PLEKHA7: variants seen among roughly 807,000 people sequenced by gnomAD.
PLEKHA7 encodes the protein pleckstrin homology domain containing A7.
Under a neutral mutation model 170.0 loss-of-function variants are expected in PLEKHA7, and 104 were observed. The observed-to-expected ratio is 0.61, with a 90% CI of 0.52 to 0.72. PLEKHA7 has a LOEUF of 0.72. Ranked by LOEUF, PLEKHA7 falls within the 30% of genes least tolerant of loss-of-function variation. PLEKHA7 has a pLI of 0.00. For missense variants in PLEKHA7, 1,615 were observed against 1,671.7 expected (o/e 0.97, Z 0.59); for synonymous variants, 648 against 660.8 (o/e 0.98, Z 0.30).
chr11:16,850,389 C>A (rs1852831102), intron 8 of PLEKHA7, among the ~76,000 whole-genome samples: 1 of 152,208 alleles, frequency 6.6e-6, no homozygotes, highest in Non-Finnish European at 1.5e-5. Flanking sequence ...TGCTTCAGTG[C>A]TCTCTAGGAC....
chr11:16,920,571 C>T lies in PLEKHA7; in HGVS notation c.222-49389G>A, dbSNP rs544624317. Among the ~76,000 whole-genome samples, 5 of 152,296 alleles carry T rather than the reference C, an allele frequency of 3.3e-5. No homozygotes were observed. In the South Asian group the frequency reaches 1.0e-3, roughly 32 times the overall value. ...TATTCTAAATTTCCCACAAAGTGTA[C>T]ATAATAGGAAAAATTATTTAAATTA... On this transcript the variant is annotated intron_variant, in intron 3 of 26. Transcript: ENST00000531066.
chr11:16,815,515 C>T (rs1420784412), intron 12 of PLEKHA7, among the ~76,000 whole-genome samples: 1 of 152,174 alleles, frequency 6.6e-6, no homozygotes, highest in African/African-American at 2.4e-5. Flanking sequence ...CAACCTCACC[C>T]AGACTCAAGC....
intron 9 of PLEKHA7, among the ~76,000 whole-genome samples, chr11:16,837,207 T>C (rs924358405): frequency 3.9e-5 from 6 of 152,122 alleles, no homozygotes; most frequent in Admixed American, 2.0e-4. Context: ...ATAATAAGAA[T>C]ACATCTCAAT....
chr11:16,884,700 A>C (rs957486692), intron 3 of PLEKHA7, among the ~76,000 whole-genome samples: 18 of 152,176 alleles, frequency 1.2e-4, no homozygotes, highest in African/African-American at 2.9e-4. Flanking sequence ...ACAAAAAAAA[A>C]CAAAAACTGT....
At chr11:16,896,834 C>G (rs1565087139) in intron 3 of PLEKHA7, among the ~76,000 whole-genome samples, 1 of 152,200 alleles carries the variant, frequency 6.6e-6, no homozygotes. Flanking sequence ...ACACACTGTT[C>G]CCTTTTCTTG....
Position 16,778,453 on chromosome 11 carries a change from C to T in PLEKHA7, c.*545G>A, listed in dbSNP as rs575684942. On this transcript the variant is annotated 3_prime_UTR_variant, in exon 27 of 27. Transcript: ENST00000531066. The stretch of plus-strand genomic sequence containing the variant: ...GATCCTCGTGGAGTTTCACACAGAG[C>T]TGGTCATCAGGTCAGGGACAGCTGA... 3.9e-4 allele frequency: 63 copies of T among 161,426 alleles called. No homozygotes were observed. Among genetic ancestry groups the T allele is most frequent in the Admixed American group, 7.6e-4 (13 of 17,166 alleles). 10.0% of individuals were successfully genotyped at this position (161,426 alleles called of 1,614,324 possible).
chr11:16,807,579 T>G lies in PLEKHA7; in HGVS notation c.2008-4284A>C, dbSNP rs112191869. On this transcript the variant is annotated intron_variant, in intron 13 of 26. Transcript: ENST00000531066. ...AAGGAGGAACATGATAGAAGGGAAC[T>G]TGCTTCTTCTTTTGTCCTCCCTCAT... is the stretch of plus-strand genomic sequence containing the variant. Among the ~76,000 whole-genome samples, 821 of 152,282 alleles carry G rather than the reference T, an allele frequency of 5.4e-3. 3 individuals are homozygous for G. The highest frequency in any genetic ancestry group is 0.018 in the African/African-American group (729 of 41,566).
At chr11:16,892,432 G>GTTTTGTTTTGTTTTGTTT (rs763934828) in intron 3 of PLEKHA7, among the ~76,000 whole-genome samples, 21,035 of 114,790 alleles carry the variant, frequency 0.18, 2,298 homozygotes, top group East Asian at 0.34. Flanking sequence ...GTGTGTGTGT[G>GTTTTGTTTTGTTTTGTTT]TGTTTTGTTT....
rs558712207 is a variant in PLEKHA7 at position 16,976,635 on chromosome 11, G to C, written c.221+37354C>G. ...CTATCTAAAATCCCCAGCCCTCTAG[G>C]CAAGATCTGTCCCAGACCCTCCTCT... On this transcript the variant is annotated intron_variant, in intron 3 of 26. Transcript: ENST00000531066. 1.9e-3 allele frequency among the ~76,000 whole-genome samples: 293 copies of C among 152,266 alleles called. 2 individuals are homozygous for C. Among genetic ancestry groups the C allele is most frequent in the African/African-American group, 6.6e-3 (276 of 41,542 alleles).
chr11:16,899,850 G>A (rs1857219083), intron 3 of PLEKHA7, among the ~76,000 whole-genome samples: 1 of 152,210 alleles, frequency 6.6e-6, no homozygotes, highest in African/African-American at 2.4e-5. Flanking sequence ...GTAAGGGCAT[G>A]AACTGAACTT....
At chr11:16,886,907 G>A (rs776316278) in intron 3 of PLEKHA7, among the ~76,000 whole-genome samples, 6 of 152,120 alleles carry the variant, frequency 3.9e-5, no homozygotes, top group Admixed American at 3.9e-4. Context: ...GATTAGGGGC[G>A]TTAAGGGTGT....
intron 3 of PLEKHA7, among the ~76,000 whole-genome samples, chr11:16,953,490 A>C (rs1200530777): frequency 6.6e-6 from 1 of 152,216 alleles, no homozygotes; most frequent in Non-Finnish European, 1.5e-5. Context: ...AAGATTAAAT[A>C]AGCTAAACCA....
chr11:16,898,593 A>C lies in PLEKHA7; in HGVS notation c.222-27411T>G, dbSNP rs1857139162. ...CAAGTTAGCACTCTGCCCAGTCCAT[A>C]GTGAGCTACTAATAATAGCAGCAAG... is the stretch of plus-strand genomic sequence containing the variant. On this transcript the variant is annotated intron_variant, in intron 3 of 26. Coordinates refer to ENST00000531066, the MANE Select transcript of PLEKHA7 (RefSeq NM_001329630.2). Among the ~76,000 whole-genome samples the C allele has an allele frequency of 2.0e-5, 3 of 152,216 alleles. No individual in the cohort carries two copies. In the South Asian group the frequency reaches 6.2e-4, roughly 32 times the overall value.
At chr11:16,830,787 G>A (rs1851043940) in intron 9 of PLEKHA7, among the ~76,000 whole-genome samples, 1 of 152,184 alleles carries the variant, frequency 6.6e-6, no homozygotes, top group South Asian at 2.1e-4. Context: ...TTCAAAGTCA[G>A]ACAACCCTGG....
chr11:16,779,681 C>T (rs770103981), intron 26 of PLEKHA7, among the ~76,000 whole-genome samples: 1 of 152,218 alleles, frequency 6.6e-6, no homozygotes, highest in African/African-American at 2.4e-5. Flanking sequence ...CTCTCATGCT[C>T]AGGCTGGCGG....
At position 16,900,850 on chromosome 11, in the gene PLEKHA7, AT is replaced by A. The variant is rs1203436793; in HGVS notation, c.222-29669del. Among the ~76,000 whole-genome samples the A allele has an allele frequency of 9.1e-3, 1,316 of 143,844 alleles. 8 individuals carry two copies. The highest frequency in any genetic ancestry group is 0.028 in the South Asian group (127 of 4,466). The allele number at this position is 143,844 out of a possible 152,430, so 94.4% of individuals were successfully genotyped here. ...TAACATGTGGAAGTCATGATTTTTT[AT>A]TTTTTTTTTTTTTTGAGACAGAGTC... On this transcript the variant is annotated intron_variant, in intron 3 of 26. Transcript: ENST00000531066.
Position 16,777,974 on chromosome 11 carries a change from TA to T in PLEKHA7, c.*1023del, listed in dbSNP as rs1848777826. 1 of 152,224 alleles carries T rather than the reference TA, an allele frequency of 6.6e-6. No homozygotes were observed. The highest frequency in any genetic ancestry group is 6.5e-5 in the Admixed American group (1 of 15,286). The allele number at this position is 152,224 out of a possible 1,614,324, so 9.4% of individuals were successfully genotyped here. On this transcript the variant is annotated 3_prime_UTR_variant, in exon 27 of 27. Coordinates refer to ENST00000531066, the MANE Select transcript of PLEKHA7 (RefSeq NM_001329630.2). Reference sequence around the variant, plus strand: ...TTTTCTGTATTTCAATGTGTACTGTTAAAAATGAAAGCAGGCTGGGCGTGGT... The same window carrying T: ...TTTTCTGTATTTCAATGTGTACTGTTAAAATGAAAGCAGGCTGGGCGTGGT...
chr11:16,903,173 G>T (rs147129183), intron 3 of PLEKHA7, among the ~76,000 whole-genome samples: 2 of 152,288 alleles, frequency 1.3e-5, no homozygotes, highest in East Asian at 3.9e-4. Flanking sequence ...TTAGAAAAGC[G>T]AGAATAACTT....
At chr11:16,786,607 AC>A in intron 23 of PLEKHA7, 1 of 985,290 alleles carries the variant, frequency 1.0e-6, no homozygotes, top group Non-Finnish European at 1.2e-6. Context: ...TCAAACATAC[AC>A]CCTTGGGGCA....
Sources: gnomAD v4.1 joint callset for allele counts (sites outside exome capture counted in the v4.1 genomes callset) on GRCh38, gnomAD v4.1.1 for gene constraint, MANE v1.5 for transcripts, NCBI Gene and HGNC (gene_info 2026-07-23, HGNC 2026-07-21) for gene names.